The following CORO7 variants were observed in gnomAD, a reference collection of about 807,000 sequenced individuals.
CORO7 encodes coronin-7.
In CORO7, 107 loss-of-function variants were observed where a neutral mutation model predicts 126.6. The ratio of observed to expected loss-of-function variants is 0.85; its 90% CI spans 0.72 to 0.99. CORO7 has a LOEUF of 0.99. Ranked by LOEUF, CORO7 falls within the 50% of genes least tolerant of loss-of-function variation. The pLI is 0.00. For missense variants in CORO7, 1,314 were observed against 1,255.8 expected, an observed-to-expected ratio of 1.05 and a Z score of -0.70; for synonymous variants, 603 against 536.8, an observed-to-expected ratio of 1.12 and a Z score of -1.70.
intron 16 of CORO7, 161 bp downstream of exon 16, chr16:4,361,822 AGT>A: frequency 4.4e-6 from 5 of 1,149,212 alleles, no homozygotes; most frequent in African/African-American, 1.5e-5. Flanking sequence ...TGGGGATAAA[AGT>A]GGCAGGCCCC....
intron 25 of CORO7, 118 bp downstream of exon 25, chr16:4,357,850 C>A: frequency 6.7e-7 from 1 of 1,485,582 alleles, no homozygotes; most frequent in Non-Finnish European, 9.0e-7. Context: ...AGCCACTCCA[C>A]CCTCCCAAAG....
At chr16:4,394,811 G>A (rs1461405598) in intron 7 of CORO7, among the ~76,000 whole-genome samples, 5 of 152,212 alleles carry the variant, frequency 3.3e-5, no homozygotes, top group South Asian at 2.1e-4. Context: ...CAGCTTCCCC[G>A]CTTGGAACTG....
rs556907390 is a variant in CORO7 at position 4,388,423 on chromosome 16, G to A, written c.702+122C>T. 4.1e-5 allele frequency: 45 copies of A among 1,102,136 alleles called. No individual in the cohort carries two copies. The Admixed American group carries it at 7.3e-4, about 18-fold the overall frequency. 68.3% of individuals were successfully genotyped at this position (1,102,136 alleles called of 1,614,324 possible). ...TGAGACCCGGCAGCACAGCCAGGCC[G>A]TATATGGACAGGCCTGGAACTGGCC... is the stretch of plus-strand genomic sequence containing the variant. On this transcript the variant is annotated intron_variant, in intron 8 of 27. Transcript: ENST00000251166.
intron 6 of CORO7, among the ~76,000 whole-genome samples, chr16:4,395,626 A>G (rs1202334399): frequency 6.6e-6 from 1 of 152,180 alleles, no homozygotes; most frequent in Non-Finnish European, 1.5e-5. Context: ...CAGGCATCCC[A>G]GACACTCGAC....
Position 4,362,683 on chromosome 16 carries a change from A to G in CORO7, c.1331T>C (p.Leu444Pro). The stretch of plus-strand genomic sequence containing the variant: ...ACTGGTGCTGGAGAGTGAGGGCCCC[A>G]GGCTGGAGGGCGTGGAGGGCGAGGT... ...SLTSPSTPSSLGPSLSSTSGI... is the reference protein window; with the variant it reads ...SLTSPSTPSSPGPSLSSTSGI... The change falls in exon 15 of 28, where the codon CTG (leucine) becomes CCG (proline). Residue 444 changes from leucine to proline, a missense_variant. Physicochemically the swap from Leu to Pro is moderately conservative, Grantham distance 98. Transcript: ENST00000251166. The surrounding 1 kb of genome is among the most constrained non-coding windows in gnomAD (Gnocchi z 5.3). 1.3e-6 allele frequency: 2 copies of G among 1,490,222 alleles called. No homozygotes were observed. The highest frequency in any genetic ancestry group is 1.8e-6 in the Non-Finnish European group (2 of 1,119,514). 92.3% of individuals were successfully genotyped at this position (1,490,222 alleles called of 1,614,324 possible). A position where few individuals can be genotyped will look rare whatever the true frequency, so the allele number is the denominator to read the frequency against.
At chr16:4,371,772 T>TG (rs920525502) in intron 9 of CORO7, 1 of 151,958 alleles carries the variant, frequency 6.6e-6, no homozygotes, top group Non-Finnish European at 1.5e-5. Context: ...CCCCGGCCAA[T>TG]GGGGAGAGGC....
intron 9 of CORO7, among the ~76,000 whole-genome samples, chr16:4,376,270 C>T (rs971806233): frequency 5.9e-5 from 9 of 152,326 alleles, no homozygotes; most frequent in East Asian, 1.9e-4. Context: ...GACACGTCAG[C>T]GAAACTGGAG....
Position 4,378,961 on chromosome 16 carries a change from C to T in CORO7, c.785+9025G>A, listed in dbSNP as rs540305620. On this transcript the variant is annotated intron_variant, in intron 9 of 27. Coordinates refer to ENST00000251166, the MANE Select transcript of CORO7 (RefSeq NM_024535.5). ...CACGTGGGCAGGGCCTGCGTGGGCC[C>T]AACCCCGGGGACAAGGGCTTCTTCC... Among the ~76,000 whole-genome samples, 13 of 152,172 alleles carry T rather than the reference C, an allele frequency of 8.5e-5. No individual in the cohort carries two copies. The East Asian group carries it at 2.5e-3, about 29-fold the overall frequency.
chr16:4,373,414 G>A (rs755724596), intron 9 of CORO7, among the ~76,000 whole-genome samples: 2 of 152,150 alleles, frequency 1.3e-5, no homozygotes, highest in Non-Finnish European at 2.9e-5. Context: ...TGGGTCCGGA[G>A]GGTCAGATGG....
intron 7 of CORO7, among the ~76,000 whole-genome samples, chr16:4,392,016 TG>T (rs1295913641): frequency 6.6e-6 from 1 of 152,146 alleles, no homozygotes; most frequent in Non-Finnish European, 1.5e-5. Context: ...GGCTCCTTGC[TG>T]GGGTGAGGGG....
Position 4,359,298 on chromosome 16 carries a change from TGTGGGGGTCAGGCGAC to T in CORO7, c.2322_2337del (p.Ser775ArgfsTer18). 2 of 1,603,854 alleles carry T rather than the reference TGTGGGGGTCAGGCGAC, an allele frequency of 1.2e-6. No individual in the cohort carries two copies. Among genetic ancestry groups the T allele is most frequent in the Non-Finnish European group, 1.7e-6 (2 of 1,176,168 alleles). On this transcript the variant is annotated frameshift_variant, in exon 23 of 28. Transcript: ENST00000251166. LOFTEE classifies it high-confidence loss of function. ...ACGAGGCGCCAGGGTGGCCTCACCT[TGTGGGGGTCAGGCGAC>T]GTGAAGCTGTTGCACTCCAGGAAGA...
At chr16:4,397,114 G>A (rs1443039331) in intron 6 of CORO7, among the ~76,000 whole-genome samples, 2 of 151,790 alleles carry the variant, frequency 1.3e-5, no homozygotes, top group Admixed American at 6.6e-5. Flanking sequence ...ACATACAATG[G>A]AGTTACATCC....
At chr16:4,365,178 GA>G in intron 10 of CORO7, 118 bp from the exon 11 acceptor site, 1 of 1,447,638 alleles carries the variant, frequency 6.9e-7, no homozygotes, top group Non-Finnish European at 9.3e-7. Flanking sequence ...ACAGTGGCTG[GA>G]GATGGGGCTC....
chr16:4,380,187 C>A (rs1468965866), intron 9 of CORO7, among the ~76,000 whole-genome samples: 1 of 152,172 alleles, frequency 6.6e-6, no homozygotes, highest in African/African-American at 2.4e-5. Flanking sequence ...GCTCTGTCAC[C>A]AGCCTCAGCT....
rs765562078 is a variant in CORO7 at position 4,357,268 on chromosome 16, G to C, written c.2594-9C>G. The C allele has an allele frequency of 1.6e-5, 26 of 1,610,132 alleles. No individual in the cohort carries two copies. Among genetic ancestry groups the C allele is most frequent in the Non-Finnish European group, 2.0e-5 (24 of 1,178,660 alleles). On this transcript the variant is annotated splice_polypyrimidine_tract_variant and intron_variant, in intron 25 of 27. Coordinates refer to ENST00000251166, the MANE Select transcript of CORO7 (RefSeq NM_024535.5). ...TCGGGGGGCTTGGCTCACTGGGACA[G>C]AGCAAGGACACGTGTCAGAGAGTCC...
chr16:4,404,566 C>A (rs907855001), intron 6 of CORO7, among the ~76,000 whole-genome samples: 3 of 152,226 alleles, frequency 2.0e-5, no homozygotes, highest in Non-Finnish European at 4.4e-5. Context: ...GTACCGCCGG[C>A]AGCTCAGCAA....
At chr16:4,382,592 G>A (rs2055031999) in intron 9 of CORO7, 2 of 1,582,598 alleles carry the variant, frequency 1.3e-6, no homozygotes, top group Non-Finnish European at 1.7e-6. Context: ...GCCCGCGAGG[G>A]CAACCTGCCG....
intron 9 of CORO7, among the ~76,000 whole-genome samples, chr16:4,387,281 G>A (rs1596314031): frequency 6.6e-6 from 1 of 152,076 alleles, no homozygotes. Context: ...CTCCTGAGCC[G>A]CAGTGGGCCA....
rs1305708269 is a variant in CORO7 at position 4,407,834 on chromosome 16, G to A, written c.304-150C>T. 4 of 1,004,782 alleles carry A rather than the reference G, an allele frequency of 4.0e-6. No homozygotes were observed. The Admixed American group carries it at 8.8e-5, about 22-fold the overall frequency. The allele number at this position is 1,004,782 out of a possible 1,614,324, so 62.2% of individuals were successfully genotyped here. A position where few individuals can be genotyped will look rare whatever the true frequency, so the allele number is the denominator to read the frequency against. On this transcript the variant is annotated intron_variant, in intron 4 of 27. Transcript: ENST00000251166. ...TTGGGAGGAGCGCCCACCCGCCTCAGCTTGCTTGGGCCAGGGGCTGCATAC... is the reference window on the plus strand; with the variant it reads ...TTGGGAGGAGCGCCCACCCGCCTCAACTTGCTTGGGCCAGGGGCTGCATAC...
Sources: gnomAD v4.1 joint callset for allele counts (sites outside exome capture counted in the v4.1 genomes callset) on GRCh38, gnomAD v4.1.1 for gene constraint, Gnocchi (gnomAD v3.1) non-coding constraint, MANE v1.5 for transcripts, NCBI Gene and HGNC (gene_info 2026-07-23, HGNC 2026-07-21) for gene names.